The following IL36A variants were observed in gnomAD, a reference collection of about 807,000 sequenced individuals.
IL36A encodes interleukin-36 alpha.
IL36A carries 13 observed loss-of-function variants against 12.7 expected under a neutral mutation model. The observed-to-expected ratio is 1.02, with a 90% CI of 0.67 to 1.63. The LOEUF (loss-of-function observed/expected upper bound fraction) is 1.63. Among genes scored for constraint, IL36A ranks in the 40% most tolerant of loss-of-function variants. The pLI is 0.00. For missense variants in IL36A, 195 were observed against 192.9 expected, an observed-to-expected ratio of 1.01 and a Z score of -0.07; for synonymous variants, 73 against 71.9, an observed-to-expected ratio of 1.01 and a Z score of -0.08.
chr2:113,008,493 T>G (rs1434520531), downstream of IL36A: 1 of 197,736 alleles, frequency 5.1e-6, no homozygotes, highest in Non-Finnish European at 1.1e-5. Flanking sequence ...CCCGAGTAGC[T>G]GGGACTACAG....
chr2:113,007,313 T>C (rs1254015492), intron 3 of IL36A, among the ~76,000 whole-genome samples: 2 of 152,198 alleles, frequency 1.3e-5, no homozygotes, highest in Non-Finnish European at 2.9e-5. Flanking sequence ...GGAGATGTTT[T>C]GGTTGTGACA....
At position 113,005,898 on chromosome 2, in the gene IL36A, A is replaced by T. The variant is rs1251759549; in HGVS notation, c.10+17A>T. On this transcript the variant is annotated intron_variant, in intron 1 of 3. Transcript: ENST00000259211. ...TGGAAAAAGGTAAAGATCCTCGTGG[A>T]AGGGCGAAAAATTGACAAGGGGGTG... The T allele has an allele frequency of 6.2e-7, 1 of 1,614,098 alleles. No individual in the cohort carries two copies. The highest frequency in any genetic ancestry group is 1.7e-5 in the Admixed American group (1 of 60,018).
chr2:113,005,849 A>G lies in IL36A; in HGVS notation c.-23A>G. On this transcript the variant is annotated 5_prime_UTR_variant, in exon 1 of 4. Transcript: ENST00000259211. ...ACATAAAAGGACTCCTATCCTTGGC[A>G]GTTCTGAAACAACACCACCACAATG... 1 of 1,614,140 alleles carries G rather than the reference A, an allele frequency of 6.2e-7. No individual in the cohort carries two copies. The highest frequency in any genetic ancestry group is 8.5e-7 in the Non-Finnish European group (1 of 1,179,976).
At chr2:113,007,743 T>C (rs1368978524) in intron 3 of IL36A, 89 bp from the exon 4 acceptor site, 8 of 1,044,786 alleles carry the variant, frequency 7.7e-6, no homozygotes, top group Non-Finnish European at 1.2e-5. Flanking sequence ...TAGGGAATGC[T>C]ATCCTTGGAC....
At position 113,006,728 on chromosome 2, in the gene IL36A, G is replaced by A. The variant is rs770506071; in HGVS notation, c.255G>A (p.Leu85=). ...CTAAAGTCGGGGACCAGCCCACACTGCAGCTGAAGGTGAGTGTGGAAGACA... is the reference window on the plus strand; with the variant it reads ...CTAAAGTCGGGGACCAGCCCACACTACAGCTGAAGGTGAGTGTGGAAGACA... The part of the protein sequence containing the change: ...MCAKVGDQPT[L]QLKEKDIMDL... Residue 85 remains leucine (L), a synonymous_variant, in exon 3 of 4, where the codon CTG becomes CTA. Transcript: ENST00000259211. The A allele has an allele frequency of 6.2e-7, 1 of 1,613,888 alleles. No individual in the cohort carries two copies. Among genetic ancestry groups the A allele is most frequent in the Non-Finnish European group, 8.5e-7 (1 of 1,179,904 alleles).
Position 113,006,690 on chromosome 2 carries a change from T to C in IL36A, c.217T>C (p.Cys73Arg), listed in dbSNP as rs1248239846. ...CCTGGGCCTGAATGGACTCAATCTC[T>C]GCCTGATGTGTGCTAAAGTCGGGGA... ...IYLGLNGLNL[C>R]LMCAKVGDQP... Residue 73 changes from cysteine (C) to arginine (R), a missense_variant, in exon 3 of 4, where the codon TGC becomes CGC. Cys to Arg is a radical substitution (Grantham distance 180). Transcript: ENST00000259211. The C allele has an allele frequency of 1.2e-6, 2 of 1,614,164 alleles. No homozygotes were observed. The highest frequency in any genetic ancestry group is 1.1e-5 in the South Asian group (1 of 91,088).
In IL36A at chr2:113,007,820, C is replaced by T. The variant is rs201117711; in HGVS notation, c.265-12C>T. On this transcript the variant is annotated splice_polypyrimidine_tract_variant and intron_variant, in intron 3 of 3. Coordinates refer to ENST00000259211, the MANE Select transcript of IL36A (RefSeq NM_014440.3). The stretch of plus-strand genomic sequence containing the variant: ...TTATGTTTCTTGCTGGTGTCTCCTT[C>T]GCACCCTTCAGGAAAAGGATATAAT... 4.2e-5 allele frequency: 67 copies of T among 1,605,002 alleles called. 1 individual carries two copies. In the African/African-American group the frequency reaches 7.5e-4, roughly 18 times the overall value.
chr2:113,007,797 A>T (rs750541973), intron 3 of IL36A, 35 bp from the exon 4 acceptor site: 2 of 1,511,298 alleles, frequency 1.3e-6, no homozygotes, highest in African/African-American at 2.7e-5. Flanking sequence ...TCAAACAGTT[A>T]TGTTTCTTGC....
intron 2 of IL36A, 83 bp downstream of exon 2, chr2:113,006,170 G>A: frequency 5.7e-6 from 5 of 878,510 alleles, no homozygotes; most frequent in Non-Finnish European, 7.7e-6. Context: ...TCCACAGTGG[G>A]CTTGTTAACC....
At chr2:113,006,816 T>C (rs1684633168) in intron 3 of IL36A, 79 bp downstream of exon 3, 1 of 1,466,322 alleles carries the variant, frequency 6.8e-7, no homozygotes, top group Non-Finnish European at 9.3e-7. Flanking sequence ...AATGTACTTA[T>C]TATGCTCATG....
At chr2:113,007,267 G>C (rs1427792241) in intron 3 of IL36A, among the ~76,000 whole-genome samples, 1 of 152,186 alleles carries the variant, frequency 6.6e-6, no homozygotes, top group Non-Finnish European at 1.5e-5. Flanking sequence ...TTTTCAGCCA[G>C]GGGTGATATT....
intron 2 of IL36A, 47 bp from the exon 3 acceptor site, chr2:113,006,551 A>T (rs772882166): frequency 1.2e-6 from 2 of 1,610,590 alleles, no homozygotes; most frequent in Non-Finnish European, 1.7e-6. Flanking sequence ...CAGAGGTACC[A>T]CCCTGGAAAT....
downstream of IL36A, among the ~76,000 whole-genome samples, chr2:113,009,317 C>T (rs1162628058): frequency 2.6e-5 from 4 of 151,284 alleles, no homozygotes; most frequent in Non-Finnish European, 4.4e-5. Flanking sequence ...TGGGTATATA[C>T]CCAAAAGACT....
At chr2:113,008,806 CTTT>C (rs527935833), downstream of IL36A, among the ~76,000 whole-genome samples, 16 of 144,482 alleles carry the variant, frequency 1.1e-4, no homozygotes, top group South Asian at 3.4e-3. Context: ...ATGAAGCTTT[CTTT>C]TTTTTTTTAA....
At chr2:113,009,840 G>A (rs1684700125), downstream of IL36A, among the ~76,000 whole-genome samples, 2 of 152,130 alleles carry the variant, frequency 1.3e-5, no homozygotes, top group Non-Finnish European at 2.9e-5. Context: ...AGTCTACTGT[G>A]GGTTTTTCCT....
rs1057073988 is a variant in IL36A at position 113,005,738 on chromosome 2, G to C, written c.-134G>C. ...AGTATAGATTCTGACTGGGGTCACT[G>C]CTGGGCTGGCCGCCAGTCTTTCATC... On this transcript the variant is annotated 5_prime_UTR_variant, in exon 1 of 4. Coordinates refer to ENST00000259211, the MANE Select transcript of IL36A (RefSeq NM_014440.3). 3.1e-6 allele frequency: 3 copies of C among 958,968 alleles called. No homozygotes were observed. Among genetic ancestry groups the C allele is most frequent in the Non-Finnish European group, 5.1e-6 (3 of 587,490 alleles). The allele number at this position is 958,968 out of a possible 1,614,324, so 59.4% of individuals were successfully genotyped here.
In IL36A at chr2:113,006,107, G is replaced by A. The variant is rs1259946883; in HGVS notation, c.124+20G>A. The A allele has an allele frequency of 6.7e-7, 1 of 1,488,068 alleles. No homozygotes were observed. Among genetic ancestry groups the A allele is most frequent in the Non-Finnish European group, 9.4e-7 (1 of 1,065,438 alleles). 92.2% of individuals were successfully genotyped at this position (1,488,068 alleles called of 1,614,324 possible). A position where few individuals can be genotyped will look rare whatever the true frequency, so the allele number is the denominator to read the frequency against. On this transcript the variant is annotated intron_variant, in intron 2 of 3. Coordinates refer to ENST00000259211, the MANE Select transcript of IL36A (RefSeq NM_014440.3). ...CTCCAGGTGAGTAGCCACGGTCTGT[G>A]AAAGGCAGCTCCTTTGGCCAGTGCT... is the stretch of plus-strand genomic sequence containing the variant.
rs1470616007 is a variant in IL36A, at chr2:113,006,696, A to G, written c.223A>G (p.Met75Val). The change falls in exon 3 of 4, where the codon ATG (methionine) becomes GTG (valine). Residue 75 changes from methionine (M) to valine (V), a missense_variant. Physicochemically the swap from Met to Val is conservative, Grantham distance 21. Coordinates refer to ENST00000259211, the MANE Select transcript of IL36A (RefSeq NM_014440.3). Reference protein sequence around the residue: ...LGLNGLNLCLMCAKVGDQPTL... With the variant: ...LGLNGLNLCLVCAKVGDQPTL... ...CCTGAATGGACTCAATCTCTGCCTG[A>G]TGTGTGCTAAAGTCGGGGACCAGCC... 3 of 1,614,032 alleles carry G rather than the reference A, an allele frequency of 1.9e-6. No individual in the cohort carries two copies. The highest frequency in any genetic ancestry group is 2.5e-6 in the Non-Finnish European group (3 of 1,180,034).
chr2:113,010,376 T>C (rs568091065), downstream of IL36A, among the ~76,000 whole-genome samples: 5 of 152,342 alleles, frequency 3.3e-5, no homozygotes, highest in African/African-American at 1.2e-4. Context: ...AAAGTAGAAC[T>C]GTTTCTTCTC....
Sources: gnomAD v4.1 joint callset for allele counts (sites outside exome capture counted in the v4.1 genomes callset) on GRCh38, gnomAD v4.1.1 for gene constraint, MANE v1.5 for transcripts, NCBI Gene and HGNC (gene_info 2026-07-23, HGNC 2026-07-21) for gene names.